Variants in DMD observed in about 807,000 individuals in gnomAD.
DMD encodes the protein dystrophin.
In DMD, 63 loss-of-function variants were observed where a neutral mutation model predicts 330.1. The observed-to-expected ratio is 0.19, with a 90% confidence interval of 0.16 to 0.24. DMD has a LOEUF of 0.24. DMD is among the 10% of genes least tolerant of loss of function. The pLI, the probability that DMD is intolerant of heterozygous loss-of-function variation, is 1.00. For synonymous variants in DMD, 1,223 were observed against 959.8 expected (o/e 1.27, Z -5.07); for missense variants, 3,344 against 2,684.1 (o/e 1.25, Z -5.43).
intron 52 of DMD, among the ~76,000 whole-genome samples, chrX:31,712,782 G>A (rs2084743174): frequency 9.0e-6 from 1 of 111,460 alleles, no homozygotes; most frequent in African/African-American, 3.3e-5. Context: ...TGTTCAAGTA[G>A]GTTGTTCTGT....
chrX:32,434,247 A>T (rs1215818976), intron 29 of DMD, among the ~76,000 whole-genome samples: 1 of 111,599 alleles, frequency 9.0e-6, no homozygotes, highest in East Asian at 2.8e-4. Flanking sequence ...ATTGATTTTA[A>T]AAAATAGGTT....
intron 18 of DMD, among the ~76,000 whole-genome samples, chrX:32,514,884 G>A: frequency 8.9e-6 from 1 of 112,487 alleles, no homozygotes; most frequent in Non-Finnish European, 1.9e-5. Context: ...CAGGGATGCT[G>A]AAATAACTAA....
chrX:31,471,288 C>G lies in DMD; in HGVS notation c.8937+6818G>C, dbSNP rs974886702. On this transcript the variant is annotated intron_variant, in intron 59 of 78. Transcript: ENST00000357033. ...CCAGGGCCCTGGTGGCGTAGGCACC[C>G]GAGGGAATCTCCTGGTCTGCATGTT... 3.6e-5 allele frequency among the ~76,000 whole-genome samples: 4 copies of G among 112,074 alleles called. No homozygotes were observed. In the South Asian group the frequency reaches 1.5e-3, roughly 42 times the overall value.
At chrX:32,747,189 C>A (rs1447179015) in intron 7 of DMD, among the ~76,000 whole-genome samples, 12 of 112,365 alleles carry the variant, frequency 1.1e-4, no homozygotes, top group Non-Finnish European at 2.3e-4. Context: ...AGTTTGAGAA[C>A]CTCTAATTTG....
intron 48 of DMD, among the ~76,000 whole-genome samples, chrX:31,848,301 A>G (rs1004804875): frequency 3.6e-5 from 4 of 111,604 alleles, no homozygotes; most frequent in Non-Finnish European, 7.5e-5. Flanking sequence ...TCCAGGTCAG[A>G]GAACTGGTTT....
chrX:31,734,229 T>G (rs2086709278), intron 51 of DMD, among the ~76,000 whole-genome samples: 1 of 110,326 alleles, frequency 9.1e-6, no homozygotes, highest in East Asian at 2.8e-4. Flanking sequence ...TATATATATT[T>G]TTTTTCTGAA....
intron 43 of DMD, among the ~76,000 whole-genome samples, chrX:32,249,764 TTTTA>T (rs2097256012): frequency 9.0e-6 from 1 of 111,524 alleles, no homozygotes; most frequent in African/African-American, 3.3e-5. Context: ...TACAAGTGGC[TTTTA>T]TTTCTTTCTA....
intron 76 of DMD, among the ~76,000 whole-genome samples, chrX:31,136,146 A>C (rs932309973): frequency 9.0e-6 from 1 of 111,176 alleles, no homozygotes; most frequent in Non-Finnish European, 1.9e-5. Context: ...CTCAGACTAC[A>C]TGAGTCTCCT....
intron 7 of DMD, among the ~76,000 whole-genome samples, chrX:32,779,402 C>A (rs912740247): frequency 9.0e-6 from 1 of 110,498 alleles, no homozygotes; most frequent in Non-Finnish European, 1.9e-5. Flanking sequence ...GTCGCACATT[C>A]CCTTTTTCAT....
At chrX:31,470,552 A>G (rs1347404289) in intron 59 of DMD, among the ~76,000 whole-genome samples, 1 of 112,066 alleles carries the variant, frequency 8.9e-6, no homozygotes, top group East Asian at 2.8e-4. Flanking sequence ...GCCAGATGCC[A>G]GCCAGAGCTC....
Position 32,644,435 on chromosome X carries a change from G to A in DMD, c.1150-122C>T. Reference sequence around the variant, plus strand: ...TTTAGATTTATATTCCCAGTAAAAGGAATTTAATTTGTATTTGCAGAATCC... The same window carrying A: ...TTTAGATTTATATTCCCAGTAAAAGAAATTTAATTTGTATTTGCAGAATCC... On this transcript the variant is annotated intron_variant, in intron 10 of 78. Coordinates refer to ENST00000357033, the MANE Select transcript of DMD (RefSeq NM_004006.3). The A allele has an allele frequency of 3.9e-6, 3 of 764,344 alleles. No individual in the cohort carries two copies. The Admixed American group carries it at 8.9e-5, about 23-fold the overall frequency. The allele number at this position is 764,344 out of a possible 1,213,427, so 63.0% of individuals were successfully genotyped here.
Position 31,699,415 on chromosome X carries a change from T to G in DMD, c.7661-19829A>C, listed in dbSNP as rs1054698448. ...GCCATACTGTTCCCCTGGATGGACC[T>G]TTGGTAAATTTCAACTTGGCAATCT... On this transcript the variant is annotated intron_variant, in intron 52 of 78. Transcript: ENST00000357033. Among the ~76,000 whole-genome samples the G allele has an allele frequency of 7.1e-5, 8 of 112,391 alleles. No homozygotes were observed. The Admixed American group carries it at 7.5e-4, about 11-fold the overall frequency.
chrX:32,911,890 T>C (rs1233710533), intron 2 of DMD, among the ~76,000 whole-genome samples: 1 of 110,980 alleles, frequency 9.0e-6, no homozygotes, highest in Non-Finnish European at 1.9e-5. Context: ...ATTATAGAAT[T>C]GAAACAAATG....
intron 48 of DMD, among the ~76,000 whole-genome samples, chrX:31,840,922 C>T (rs1390706606): frequency 1.8e-5 from 2 of 110,444 alleles, no homozygotes; most frequent in Non-Finnish European, 3.8e-5. Flanking sequence ...AGTTAATAAC[C>T]GTACTATGGC....
intron 47 of DMD, among the ~76,000 whole-genome samples, chrX:31,884,141 T>C (rs897200714): frequency 8.9e-6 from 1 of 111,893 alleles, no homozygotes; most frequent in Non-Finnish European, 1.9e-5. Flanking sequence ...ATCTTATCTC[T>C]GGGCATATAT....
intron 34 of DMD, among the ~76,000 whole-genome samples, chrX:32,379,998 C>G (rs866535785): frequency 9.0e-6 from 1 of 111,088 alleles, no homozygotes; most frequent in Non-Finnish European, 1.9e-5. Context: ...AGAGAAAGGG[C>G]AAGAATTTAA....
chrX:33,198,344 A>G (rs1261187920), intron 1 of DMD, among the ~76,000 whole-genome samples: 6 of 111,114 alleles, frequency 5.4e-5, no homozygotes, highest in Non-Finnish European at 9.4e-5. Flanking sequence ...TTGAGACTTT[A>G]CAAAGATAGA....
rs1274712958 is a variant in DMD, at chrX:31,932,105, A to G, written c.6737T>C (p.Leu2246Pro). ...CTTGACTTGCTCAAGCTTTTCTTTT[A>G]GTTGCTGCTCTTTTCCAGGTTCAAG... is the stretch of plus-strand genomic sequence containing the variant. ...IPLEPGKEQQ[L>P]KEKLEQVKLL... The change falls in exon 46 of 79, where the codon CTA (leucine) becomes CCA (proline). Residue 2246 changes from leucine (L) to proline (P), a missense_variant. Physicochemically the swap from Leu to Pro is moderately conservative, Grantham distance 98. Coordinates refer to ENST00000357033, the MANE Select transcript of DMD (RefSeq NM_004006.3). The G allele has an allele frequency of 8.3e-7, 1 of 1,211,440 alleles. No individual in the cohort carries two copies. The highest frequency in any genetic ancestry group is 2.2e-5 in the Admixed American group (1 of 46,031).
intron 9 of DMD, among the ~76,000 whole-genome samples, chrX:32,667,627 A>G (rs555456699): frequency 3.6e-4 from 40 of 111,951 alleles, no homozygotes; most frequent in African/African-American, 1.1e-3. Flanking sequence ...TACTGAAAGC[A>G]TAAGATGGAA....
Sources: allele counts gnomAD v4.1 joint callset (sites outside exome capture counted in the v4.1 genomes callset), GRCh38; gene constraint gnomAD v4.1.1; transcripts MANE v1.5; gene names NCBI Gene and HGNC (gene_info 2026-07-23, HGNC 2026-07-21).